MPP7: variants seen among roughly 807,000 people sequenced by gnomAD.
MPP7 encodes the protein MAGUK p55 subfamily member 7.
In MPP7, 60 loss-of-function variants were observed where a neutral mutation model predicts 76.5. The ratio of observed to expected loss-of-function variants is 0.78; its 90% CI spans 0.64 to 0.97. The LOEUF (loss-of-function observed/expected upper bound fraction) is 0.97, where lower values mean the gene tolerates loss of function less well. Ranked by LOEUF, MPP7 falls within the 50% of genes least tolerant of loss-of-function variation. The pLI, the probability that MPP7 is intolerant of heterozygous loss-of-function variation, is 0.00. For synonymous variants in MPP7, 237 were observed against 244.5 expected, an observed-to-expected ratio of 0.97 and a Z score of 0.29; for missense variants, 641 against 694.0, an observed-to-expected ratio of 0.92 and a Z score of 0.86.
intron 2 of MPP7, among the ~76,000 whole-genome samples, chr10:28,222,142 T>G (rs1838530666): frequency 6.6e-6 from 1 of 151,846 alleles, no homozygotes; most frequent in Non-Finnish European, 1.5e-5. Context: ...ATATATTTGG[T>G]CACTCAAGCC....
chr10:28,232,731 T>A (rs565941516), intron 2 of MPP7, among the ~76,000 whole-genome samples: 3 of 152,160 alleles, frequency 2.0e-5, no homozygotes, highest in African/African-American at 7.2e-5. Flanking sequence ...TCATAAACTA[T>A]GTCTTATGTG....
chr10:28,114,307 G>A (rs1271007859), intron 11 of MPP7, among the ~76,000 whole-genome samples: 1 of 152,184 alleles, frequency 6.6e-6, no homozygotes, highest in Non-Finnish European at 1.5e-5. Context: ...AGCTACTCAG[G>A]AGGCTGAGAC....
At chr10:28,288,912 G>A (rs780078187) in intron 1 of MPP7, among the ~76,000 whole-genome samples, 14 of 152,164 alleles carry the variant, frequency 9.2e-5, no homozygotes, top group Non-Finnish European at 1.8e-4. Context: ...TTAGGCTCGG[G>A]TGTGAGGTTA....
At chr10:28,070,749 C>A (rs1484939514) in intron 12 of MPP7, among the ~76,000 whole-genome samples, 3 of 152,146 alleles carry the variant, frequency 2.0e-5, no homozygotes, top group African/African-American at 7.2e-5. Flanking sequence ...ATTCTGCGGA[C>A]AACAAAAGAT....
chr10:28,267,729 G>A (rs1840190504), intron 1 of MPP7, among the ~76,000 whole-genome samples: 1 of 151,174 alleles, frequency 6.6e-6, no homozygotes, highest in African/African-American at 2.5e-5. Context: ...AAGAAAAGTA[G>A]ATAATACTAT....
At chr10:28,059,187 C>T (rs1383684720) in intron 14 of MPP7, among the ~76,000 whole-genome samples, 1 of 152,154 alleles carries the variant, frequency 6.6e-6, no homozygotes, top group Non-Finnish European at 1.5e-5. Flanking sequence ...CTGGGGTGGG[C>T]TTGGAGCTAG....
intron 2 of MPP7, among the ~76,000 whole-genome samples, chr10:28,205,241 T>C (rs938532575): frequency 2.0e-5 from 3 of 152,008 alleles, no homozygotes; most frequent in African/African-American, 4.8e-5. Context: ...GTAAATAATA[T>C]AGACAACTAC....
intron 5 of MPP7, among the ~76,000 whole-genome samples, chr10:28,141,632 C>T (rs1456399467): frequency 6.6e-6 from 1 of 151,688 alleles, no homozygotes; most frequent in Admixed American, 6.6e-5. Flanking sequence ...ATATGCATGC[C>T]GGCACACACG....
At chr10:28,097,012 AAG>A (rs1247710462) in intron 11 of MPP7, among the ~76,000 whole-genome samples, 6 of 152,044 alleles carry the variant, frequency 3.9e-5, no homozygotes, top group African/African-American at 1.4e-4. Context: ...TATTTTGAGA[AAG>A]AGTCTCATTC....
intron 11 of MPP7, among the ~76,000 whole-genome samples, chr10:28,112,310 AT>A (rs1057146210): frequency 6.6e-5 from 10 of 152,204 alleles, no homozygotes; most frequent in East Asian, 1.9e-4. Flanking sequence ...CATAGAGTCT[AT>A]TTTTTTATAG....
intron 2 of MPP7, among the ~76,000 whole-genome samples, chr10:28,211,178 A>G (rs1838121844): frequency 6.6e-6 from 1 of 152,000 alleles, no homozygotes; most frequent in African/African-American, 2.4e-5. Flanking sequence ...AGCTCACTGC[A>G]ACCTTGAACC....
chr10:28,219,261 G>A (rs1366887925), intron 2 of MPP7, among the ~76,000 whole-genome samples: 2 of 152,018 alleles, frequency 1.3e-5, no homozygotes, highest in Non-Finnish European at 2.9e-5. Context: ...AAATACAGAA[G>A]CACAAGAAGG....
At chr10:28,231,228 C>A in intron 2 of MPP7, among the ~76,000 whole-genome samples, 1 of 149,346 alleles carries the variant, frequency 6.7e-6, no homozygotes. Context: ...TCTAAATAAT[C>A]AATTACAAAA....
intron 1 of MPP7, among the ~76,000 whole-genome samples, chr10:28,250,268 C>T (rs1839572582): frequency 6.6e-6 from 1 of 152,100 alleles, no homozygotes; most frequent in African/African-American, 2.4e-5. Context: ...AGCAGAGAGG[C>T]GGAGGAGAGG....
At chr10:28,232,358 AACACACACACAC>A (rs3064135) in intron 2 of MPP7, among the ~76,000 whole-genome samples, 4 of 147,358 alleles carry the variant, frequency 2.7e-5, no homozygotes, top group South Asian at 2.2e-4. Flanking sequence ...TGTCTCTTAA[AACACACACACAC>A]ACACACACAC....
chr10:28,149,886 C>T, intron 4 of MPP7, 96 bp downstream of exon 4: 1 of 771,724 alleles, frequency 1.3e-6, no homozygotes, highest in Non-Finnish European at 2.1e-6. Context: ...GCTTTTCACT[C>T]ATAGGATCAC....
chr10:28,234,113 G>A (rs1457382118), intron 2 of MPP7, among the ~76,000 whole-genome samples: 2 of 152,272 alleles, frequency 1.3e-5, no homozygotes, highest in Middle Eastern at 3.4e-3. Flanking sequence ...TTAGAGAAAT[G>A]TCTACTTCTA....
intron 2 of MPP7, among the ~76,000 whole-genome samples, chr10:28,315,672 C>A (rs1360036140): frequency 6.6e-6 from 1 of 152,128 alleles, no homozygotes; most frequent in Non-Finnish European, 1.5e-5. Flanking sequence ...ATCACCCATG[C>A]AGAAGAATTT....
chr10:28,320,251 A>T (rs1307779845), intron 2 of MPP7, among the ~76,000 whole-genome samples: 1 of 152,158 alleles, frequency 6.6e-6, no homozygotes, highest in Non-Finnish European at 1.5e-5. Context: ...AAAAGGTTTG[A>T]GGCAGCAATG....
Sources: gnomAD v4.1 joint callset for allele counts (sites outside exome capture counted in the v4.1 genomes callset) on GRCh38, gnomAD v4.1.1 for gene constraint, MANE v1.5 for transcripts, NCBI Gene and HGNC (gene_info 2026-07-23, HGNC 2026-07-21) for gene names.